Variants in USO1 observed in about 807,000 individuals in gnomAD.
USO1 encodes the protein USO1 vesicle transport factor.
A neutral mutation model predicts 124.5 loss-of-function variants in USO1; 57 were observed. The ratio of observed to expected loss-of-function variants is 0.46; its 90% CI spans 0.37 to 0.57. The LOEUF (loss-of-function observed/expected upper bound fraction) is 0.57, where lower values mean the gene tolerates loss of function less well. USO1 is among the 20% of genes least tolerant of loss of function. The pLI is 0.00. For synonymous variants in USO1, 369 were observed against 362.8 expected (o/e 1.02, Z -0.19); for missense variants, 900 against 1,040.6 (o/e 0.86, Z 1.86).
chr4:75,734,185 C>T (rs1035870767), intron 1 of USO1, among the ~76,000 whole-genome samples: 32 of 152,136 alleles, frequency 2.1e-4, no homozygotes, highest in African/African-American at 7.5e-4. Context: ...ACCTCGTGAT[C>T]CTCCCACCTT....
At chr4:75,767,720 T>C (rs76759617) in intron 4 of USO1, among the ~76,000 whole-genome samples, 1 of 152,264 alleles carries the variant, frequency 6.6e-6, no homozygotes, top group African/African-American at 2.4e-5. Context: ...TTCTCTTCTA[T>C]TGATCTATGC....
intron 9 of USO1, among the ~76,000 whole-genome samples, chr4:75,786,850 C>A (rs958810337): frequency 6.6e-6 from 1 of 152,150 alleles, no homozygotes; most frequent in Admixed American, 6.6e-5. Flanking sequence ...TTCACAGTCA[C>A]CTGAAGAAGA....
At chr4:75,810,658 TC>T (rs1207890156) in intron 22 of USO1, 119 bp downstream of exon 22, 2 of 1,239,062 alleles carry the variant, frequency 1.6e-6, no homozygotes, top group African/African-American at 3.1e-5. Context: ...TAATTTTATC[TC>T]ACAACATTTT....
chr4:75,741,568 CTT>C (rs1287788612), intron 1 of USO1, among the ~76,000 whole-genome samples: 2 of 138,734 alleles, frequency 1.4e-5, no homozygotes, highest in Admixed American at 1.4e-4. Context: ...CTTCTATAAG[CTT>C]TTTCCTATTT....
intron 3 of USO1, among the ~76,000 whole-genome samples, chr4:75,754,166 T>C (rs1577938143): frequency 6.6e-6 from 1 of 150,966 alleles, no homozygotes; most frequent in Non-Finnish European, 1.5e-5. Flanking sequence ...CACTGCAGCC[T>C]CTGCCTCCTG....
chr4:75,740,366 C>T (rs947197721), intron 1 of USO1, among the ~76,000 whole-genome samples: 1 of 152,182 alleles, frequency 6.6e-6, no homozygotes, highest in South Asian at 2.1e-4. Context: ...TGGCTCACTG[C>T]AGTCTCAAAC....
intron 9 of USO1, among the ~76,000 whole-genome samples, chr4:75,784,163 G>C (rs1295940703): frequency 6.6e-6 from 1 of 152,204 alleles, no homozygotes; most frequent in Non-Finnish European, 1.5e-5. Context: ...TGGGACTACA[G>C]GCGCAAGCCA....
intron 13 of USO1, among the ~76,000 whole-genome samples, chr4:75,796,210 TTA>T (rs1722673109): frequency 6.6e-6 from 1 of 152,152 alleles, no homozygotes; most frequent in Admixed American, 6.5e-5. Flanking sequence ...AGGTATTAAT[TTA>T]TATACAATAA....
intron 1 of USO1, among the ~76,000 whole-genome samples, chr4:75,734,718 C>CTTGTTTTTTTT (rs1720737661): frequency 2.1e-5 from 1 of 47,450 alleles, no homozygotes; most frequent in Non-Finnish European, 3.6e-5. Context: ...GGCAGTATGG[C>CTTGTTTTTTTT]TTTTTTTTTT....
chr4:75,732,637 G>A (rs1187442660), intron 1 of USO1, among the ~76,000 whole-genome samples: 1 of 152,090 alleles, frequency 6.6e-6, no homozygotes, highest in Non-Finnish European at 1.5e-5. Context: ...CCAGCACTTT[G>A]GGAGGCTGAG....
intron 8 of USO1, 42 bp from the exon 9 acceptor site, chr4:75,782,638 T>G: frequency 6.6e-7 from 1 of 1,508,910 alleles, no homozygotes; most frequent in Non-Finnish European, 8.8e-7. Context: ...TTGCGTCAGG[T>G]TTTACGAGCC....
At chr4:75,786,334 T>A (rs1392402636) in intron 9 of USO1, among the ~76,000 whole-genome samples, 1 of 152,200 alleles carries the variant, frequency 6.6e-6, no homozygotes, top group African/African-American at 2.4e-5. Flanking sequence ...CACTTTGTTG[T>A]TAACAAGGTA....
chr4:75,760,263 C>T (rs1412313235), intron 4 of USO1, among the ~76,000 whole-genome samples: 2 of 152,014 alleles, frequency 1.3e-5, no homozygotes, highest in Non-Finnish European at 2.9e-5. Flanking sequence ...GAGACATGTC[C>T]TTCAGTTCTG....
intron 1 of USO1, among the ~76,000 whole-genome samples, chr4:75,741,349 G>T (rs955918342): frequency 6.6e-6 from 1 of 152,112 alleles, no homozygotes; most frequent in Non-Finnish European, 1.5e-5. Flanking sequence ...TGAATGTGAA[G>T]ACCAAGGACA....
At chr4:75,727,427 T>G (rs889040379) in intron 1 of USO1, among the ~76,000 whole-genome samples, 3 of 152,232 alleles carry the variant, frequency 2.0e-5, no homozygotes, top group Non-Finnish European at 4.4e-5. Context: ...TTGTCTTCTA[T>G]TTTTTCTTTT....
rs982787433 is a variant in USO1, at chr4:75,740,530, C to A, written c.67-11843C>A. 3.9e-5 allele frequency among the ~76,000 whole-genome samples: 6 copies of A among 152,194 alleles called. No individual in the cohort carries two copies. In the South Asian group the frequency reaches 8.3e-4, roughly 21 times the overall value. Reference sequence around the variant, plus strand: ...CACAAATTCCTGGCTTCAAGCAGTCCTCCTTTTCGGCCTCCCAGAACTCTG... The same window carrying A: ...CACAAATTCCTGGCTTCAAGCAGTCATCCTTTTCGGCCTCCCAGAACTCTG... On this transcript the variant is annotated intron_variant, in intron 1 of 23. Coordinates refer to ENST00000514213, the MANE Select transcript of USO1 (RefSeq NM_003715.4).
intron 1 of USO1, among the ~76,000 whole-genome samples, chr4:75,728,876 G>A (rs1308682042): frequency 6.6e-6 from 1 of 151,974 alleles, no homozygotes; most frequent in Non-Finnish European, 1.5e-5. Flanking sequence ...TTGGCTCACT[G>A]CAAGCTCCCC....
At chr4:75,805,089 G>A in intron 18 of USO1, 51 bp from the exon 19 acceptor site, 1 of 1,502,094 alleles carries the variant, frequency 6.7e-7, no homozygotes, top group Non-Finnish European at 8.9e-7. Context: ...CTTCAAAAAT[G>A]AAAAACTGAA....
rs28456098 is a variant in USO1 at position 75,749,786 on chromosome 4, A to G, written c.67-2587A>G. ...TTTTTCTCCCGAGACGGAGTCTTGC[A>G]CTGTCGCCCAGGCTGGAGTGCAGTG... is the stretch of plus-strand genomic sequence containing the variant. On this transcript the variant is annotated intron_variant, in intron 1 of 23. Transcript: ENST00000514213. Among the ~76,000 whole-genome samples the G allele has an allele frequency of 1.2e-3, 157 of 134,074 alleles. 1 individual carries two copies. Among genetic ancestry groups the G allele is most frequent in the Admixed American group, 3.3e-3 (43 of 12,994 alleles). 88.0% of individuals were successfully genotyped at this position (134,074 alleles called of 152,430 possible).
Sources: allele counts gnomAD v4.1 joint callset (sites outside exome capture counted in the v4.1 genomes callset), GRCh38; gene constraint gnomAD v4.1.1; transcripts MANE v1.5; gene names NCBI Gene and HGNC (gene_info 2026-07-23, HGNC 2026-07-21).